The following PCLO variants were observed in gnomAD, a reference collection of about 807,000 sequenced individuals.
PCLO encodes protein piccolo.
In PCLO, 82 loss-of-function variants were observed where a neutral mutation model predicts 427.5. The observed-to-expected ratio is 0.19, with a 90% CI of 0.16 to 0.23. The LOEUF (loss-of-function observed/expected upper bound fraction) is 0.23. Among genes scored for constraint, PCLO ranks in the 10% least tolerant of loss-of-function variants. The probability of loss-of-function intolerance (pLI) is 1.00; values close to 1 mark genes in which losing one functional copy is unlikely to be tolerated. For missense variants in PCLO, 6,239 were observed against 6,115.9 expected (o/e 1.02, Z -0.67); for synonymous variants, 2,357 against 2,155.4 (o/e 1.09, Z -2.59).
chr7:83,093,728 C>G (rs2116451079), intron 3 of PCLO, among the ~76,000 whole-genome samples: 1 of 148,374 alleles, frequency 6.7e-6, no homozygotes, highest in South Asian at 2.1e-4. Context: ...CTCCTGACCT[C>G]GTGATCCGCC....
chr7:82,898,206 A>G (rs1793953370), intron 9 of PCLO, among the ~76,000 whole-genome samples: 1 of 151,402 alleles, frequency 6.6e-6, no homozygotes. Flanking sequence ...ACTCTATTGT[A>G]TATTCATAAA....
chr7:82,957,017 T>A, intron 4 of PCLO, 82 bp from the exon 5 acceptor site: 12 of 1,346,984 alleles, frequency 8.9e-6, no homozygotes, highest in Non-Finnish European at 1.2e-5. Flanking sequence ...CAAATAACTA[T>A]TAGGAACTGA....
At chr7:83,136,852 G>A (rs1791743856) in intron 2 of PCLO, among the ~76,000 whole-genome samples, 1 of 151,952 alleles carries the variant, frequency 6.6e-6, no homozygotes, top group Non-Finnish European at 1.5e-5. Flanking sequence ...AAGATGTTGT[G>A]TTTGATACCA....
chr7:83,065,036 T>C (rs1480012703), intron 3 of PCLO, among the ~76,000 whole-genome samples: 1 of 125,162 alleles, frequency 8.0e-6, no homozygotes, highest in East Asian at 2.4e-4. Flanking sequence ...AGGCTAACCA[T>C]CTTTGCAAAG....
At chr7:82,985,515 C>T (rs369774694) in intron 3 of PCLO, among the ~76,000 whole-genome samples, 1 of 151,846 alleles carries the variant, frequency 6.6e-6, no homozygotes, top group African/African-American at 2.4e-5. Flanking sequence ...CTTGTGGATG[C>T]TGATTAGCTC....
intron 10 of PCLO, among the ~76,000 whole-genome samples, chr7:82,870,331 C>T (rs984410513): frequency 6.6e-5 from 10 of 151,884 alleles, no homozygotes; most frequent in Admixed American, 2.0e-4. Context: ...AAAGAATATA[C>T]GCTGGCAAAA....
At chr7:82,934,759 TATAG>T (rs201167833) in intron 6 of PCLO, among the ~76,000 whole-genome samples, 1,679 of 151,794 alleles carry the variant, frequency 0.011, 33 homozygotes, top group African/African-American at 0.037. Flanking sequence ...AGAAAATAGA[TATAG>T]ATATATTTCT....
At chr7:82,884,305 G>A (rs536860327) in intron 9 of PCLO, among the ~76,000 whole-genome samples, 1 of 152,232 alleles carries the variant, frequency 6.6e-6, no homozygotes, top group African/African-American at 2.4e-5. Flanking sequence ...CCATTGGCAT[G>A]GGAAATAAGG....
At chr7:82,852,884 T>A (rs538096398) in intron 10 of PCLO, among the ~76,000 whole-genome samples, 1 of 152,228 alleles carries the variant, frequency 6.6e-6, no homozygotes, top group South Asian at 2.1e-4. Flanking sequence ...TTAAAATCCT[T>A]CCCAGCCTTT....
At chr7:82,983,932 T>C (rs1197683350) in intron 3 of PCLO, among the ~76,000 whole-genome samples, 1 of 151,836 alleles carries the variant, frequency 6.6e-6, no homozygotes, top group Non-Finnish European at 1.5e-5. Flanking sequence ...TGGCAGTTAG[T>C]AGGAAAATAA....
chr7:82,823,024 G>C (rs1791834792), intron 19 of PCLO, among the ~76,000 whole-genome samples: 1 of 152,074 alleles, frequency 6.6e-6, no homozygotes. Flanking sequence ...ATACACAGGA[G>C]GAGTTTTAAG....
At chr7:83,089,283 T>A (rs923777619) in intron 3 of PCLO, among the ~76,000 whole-genome samples, 1 of 152,154 alleles carries the variant, frequency 6.6e-6, no homozygotes, top group African/African-American at 2.4e-5. Flanking sequence ...ATGGAATGAA[T>A]TCTGCTCTGC....
intron 9 of PCLO, 25 bp downstream of exon 9, chr7:82,902,626 T>A (rs770321458): frequency 9.8e-6 from 13 of 1,328,116 alleles, no homozygotes; most frequent in East Asian, 2.3e-5. Flanking sequence ...ACAAAAAAAA[T>A]ATTAGATTAT....
intron 20 of PCLO, chr7:82,821,222 A>T: frequency 2.0e-6 from 2 of 988,904 alleles, no homozygotes; most frequent in Non-Finnish European, 2.4e-6. Flanking sequence ...AGTTCTTTGA[A>T]TGGGGAGGAC....
At chr7:82,839,795 G>C (rs929208489) in intron 14 of PCLO, among the ~76,000 whole-genome samples, 1 of 152,048 alleles carries the variant, frequency 6.6e-6, no homozygotes, top group Non-Finnish European at 1.5e-5. Flanking sequence ...CTTTGAGAGA[G>C]AATGGGATGC....
intron 3 of PCLO, among the ~76,000 whole-genome samples, chr7:83,063,956 G>C (rs868367583): frequency 3.3e-5 from 5 of 151,952 alleles, no homozygotes; most frequent in African/African-American, 1.2e-4. Flanking sequence ...TGTAACATTT[G>C]ACTTATTGAG....
intron 3 of PCLO, among the ~76,000 whole-genome samples, chr7:82,994,438 G>A (rs1796447559): frequency 6.6e-6 from 1 of 151,908 alleles, no homozygotes; most frequent in Non-Finnish European, 1.5e-5. Flanking sequence ...AAAAGGGTAA[G>A]GTGGCTAAAC....
chr7:82,828,103 C>T, intron 16 of PCLO, 137 bp from the exon 17 acceptor site: 1 of 610,588 alleles, frequency 1.6e-6, no homozygotes, highest in Non-Finnish European at 2.9e-6. Context: ...ATCCTCATGT[C>T]TTAAACCTTA....
chr7:83,050,227 A>AAAAAAAAAAAAAAC, intron 3 of PCLO, among the ~76,000 whole-genome samples: 1 of 85,648 alleles, frequency 1.2e-5, no homozygotes, highest in Non-Finnish European at 2.7e-5. Flanking sequence ...AAAAAAAAAA[A>AAAAAAAAAAAAAAC]AAAAAAAAAA....
Sources: allele counts gnomAD v4.1 joint callset (sites outside exome capture counted in the v4.1 genomes callset), GRCh38; gene constraint gnomAD v4.1.1; transcripts MANE v1.5; gene names NCBI Gene and HGNC (gene_info 2026-07-23, HGNC 2026-07-21).